The following SLC6A3 variants were observed in gnomAD, a reference collection of about 807,000 sequenced individuals.
SLC6A3 encodes solute carrier family 6 member 3.
A neutral mutation model predicts 70.4 loss-of-function variants in SLC6A3; 19 were observed. The ratio of observed to expected loss-of-function variants is 0.27; its 90% CI spans 0.19 to 0.40. The LOEUF (loss-of-function observed/expected upper bound fraction) is 0.40. Among genes scored for constraint, SLC6A3 ranks in the 10% least tolerant of loss-of-function variants. SLC6A3 has a pLI of 1.00. For synonymous variants in SLC6A3, 368 were observed against 356.6 expected (o/e 1.03, Z -0.36); for missense variants, 613 against 838.5 (o/e 0.73, Z 3.32).
chr5:1,401,861 GTC>G lies in SLC6A3; in HGVS notation c.1768-877_1768-876del. Among the ~76,000 whole-genome samples, 1 of 152,338 alleles carries G rather than the reference GTC, an allele frequency of 6.6e-6. No individual in the cohort carries two copies. Among genetic ancestry groups the G allele is most frequent in the Non-Finnish European group, 1.5e-5 (1 of 68,016 alleles). ...CTTCCCCTGTGCTGGGTCCTGGCAG[GTC>G]AGCCCGTGGGGGTCTGAGAGGGACT... is the stretch of plus-strand genomic sequence containing the variant. On this transcript the variant is annotated intron_variant, in intron 13 of 14. Coordinates refer to ENST00000270349, the MANE Select transcript of SLC6A3 (RefSeq NM_001044.5). This position sits in a 1 kb window ranked among gnomAD's most constrained non-coding sequence, Gnocchi z 6.1.
Position 1,438,940 on chromosome 5 carries a change from A to T in SLC6A3, c.418+2419T>A, listed in dbSNP as rs995563276. Among the ~76,000 whole-genome samples the T allele has an allele frequency of 5.3e-5, 8 of 152,250 alleles. No individual in the cohort carries two copies. In the South Asian group the frequency reaches 1.7e-3, roughly 32 times the overall value. On this transcript the variant is annotated intron_variant, in intron 3 of 14. Transcript: ENST00000270349. This position sits in a 1 kb window ranked among gnomAD's most constrained non-coding sequence, Gnocchi z 6.5. Reference sequence around the variant, plus strand: ...GGCTCTGAGCCCTCAGATACTCTCCAACACGGACCACGGTGCAAGCTCAGC... The same window carrying T: ...GGCTCTGAGCCCTCAGATACTCTCCTACACGGACCACGGTGCAAGCTCAGC...
intron 1 of SLC6A3, 96 bp from the exon 2 acceptor site, chr5:1,443,338 G>C: frequency 2.2e-6 from 2 of 905,126 alleles, no homozygotes; most frequent in Non-Finnish European, 3.6e-6. Context: ...GAGCCCCGAG[G>C]CATTCACGGG....
chr5:1,419,063 C>A (rs1310778879), intron 6 of SLC6A3, among the ~76,000 whole-genome samples: 1 of 150,624 alleles, frequency 6.6e-6, no homozygotes, highest in African/African-American at 2.5e-5. Context: ...ATCATCCATC[C>A]ATTATCCATC....
intron 4 of SLC6A3, among the ~76,000 whole-genome samples, chr5:1,423,049 A>T (rs866346400): frequency 5.4e-5 from 2 of 36,774 alleles, no homozygotes; most frequent in Non-Finnish European, 8.7e-5. Context: ...TGCCCACAGT[A>T]CTGCCCAAGG....
At chr5:1,414,128 G>A (rs973890834) in intron 8 of SLC6A3, among the ~76,000 whole-genome samples, 2 of 152,110 alleles carry the variant, frequency 1.3e-5, no homozygotes, top group African/African-American at 2.4e-5. Flanking sequence ...GATGTTTGCG[G>A]CATCCCAGCC....
chr5:1,430,533 G>A (rs1005115781), intron 4 of SLC6A3, among the ~76,000 whole-genome samples: 13 of 152,128 alleles, frequency 8.5e-5, no homozygotes, highest in Non-Finnish European at 5.9e-5. Context: ...GTCCCTTTCC[G>A]GCAGCATCAG....
intron 4 of SLC6A3, among the ~76,000 whole-genome samples, chr5:1,429,926 G>A (rs767678741): frequency 3.3e-5 from 5 of 152,192 alleles, no homozygotes; most frequent in Non-Finnish European, 7.3e-5. Context: ...TTTCTCCCTC[G>A]AGAATGTTAA....
chr5:1,399,435 G>C (rs1281401128), intron 14 of SLC6A3, among the ~76,000 whole-genome samples: 1 of 152,216 alleles, frequency 6.6e-6, no homozygotes, highest in South Asian at 2.1e-4. Flanking sequence ...CTACAACAGA[G>C]TAGATCCAAG....
At chr5:1,395,031 G>C (rs993176727) in intron 14 of SLC6A3, among the ~76,000 whole-genome samples, 2 of 152,220 alleles carry the variant, frequency 1.3e-5, no homozygotes, top group African/African-American at 4.8e-5. Context: ...GGCCATGGTG[G>C]CCTCTGGGGC....
Position 1,408,822 on chromosome 5 carries a change from T to C in SLC6A3, c.1498+204A>G, listed in dbSNP as rs1756047259. Among the ~76,000 whole-genome samples the C allele has an allele frequency of 6.6e-6, 1 of 152,232 alleles. No homozygotes were observed. The highest frequency in any genetic ancestry group is 6.5e-5 in the Admixed American group (1 of 15,286). On this transcript the variant is annotated intron_variant, in intron 11 of 14. Coordinates refer to ENST00000270349, the MANE Select transcript of SLC6A3 (RefSeq NM_001044.5). The surrounding 1 kb of genome is among the most constrained non-coding windows in gnomAD (Gnocchi z 6.4). ...AACACCTCTGACCACAGTGTGCCTC[T>C]TCTGGCTGCCATCCAAGCTAAGCAC...
intron 6 of SLC6A3, among the ~76,000 whole-genome samples, chr5:1,417,840 T>A (rs1756343433): frequency 1.3e-5 from 2 of 152,210 alleles, no homozygotes; most frequent in South Asian, 2.1e-4. Flanking sequence ...CAGATGCTCC[T>A]GCTGGGGAGG....
chr5:1,401,868 C>T lies in SLC6A3; in HGVS notation c.1768-882G>A, dbSNP rs549949343. Among the ~76,000 whole-genome samples the T allele has an allele frequency of 3.9e-4, 59 of 152,318 alleles. No individual in the cohort carries two copies. Among genetic ancestry groups the T allele is most frequent in the African/African-American group, 1.2e-3 (50 of 41,572 alleles). On this transcript the variant is annotated intron_variant, in intron 13 of 14. Transcript: ENST00000270349. The surrounding 1 kb of genome is among the most constrained non-coding windows in gnomAD (Gnocchi z 6.1). ...TGTGCTGGGTCCTGGCAGGTCAGCCCGTGGGGGTCTGAGAGGGACTGTCCA... is the reference window on the plus strand; with the variant it reads ...TGTGCTGGGTCCTGGCAGGTCAGCCTGTGGGGGTCTGAGAGGGACTGTCCA...
intron 4 of SLC6A3, among the ~76,000 whole-genome samples, chr5:1,423,354 ACGCTGCTG>A (rs1756507850): frequency 1.0e-5 from 1 of 98,526 alleles, no homozygotes; most frequent in African/African-American, 3.1e-5. Context: ...AGTGCTGCCC[ACGCTGCTG>A]GGTACCCACT....
intron 14 of SLC6A3, among the ~76,000 whole-genome samples, chr5:1,400,706 A>T (rs1755828011): frequency 6.6e-6 from 1 of 152,102 alleles, no homozygotes; most frequent in Non-Finnish European, 1.5e-5. Context: ...CGCACCTCCC[A>T]GGGCCCCTGC....
intron 11 of SLC6A3, among the ~76,000 whole-genome samples, chr5:1,407,199 T>C (rs981068503): frequency 3.9e-5 from 6 of 152,224 alleles, no homozygotes; most frequent in African/African-American, 1.2e-4. Context: ...GCCTGGTCTG[T>C]GACTCGTGTG....
At chr5:1,416,412 G>C in intron 6 of SLC6A3, 4 of 614,708 alleles carry the variant, frequency 6.5e-6, no homozygotes, top group East Asian at 2.8e-5. Flanking sequence ...CTGAGAAGCA[G>C]GGGGCTGTCT....
intron 11 of SLC6A3, among the ~76,000 whole-genome samples, chr5:1,407,175 TC>T (rs1756003206): frequency 6.6e-6 from 1 of 152,172 alleles, no homozygotes; most frequent in African/African-American, 2.4e-5. Flanking sequence ...GAGTGGTTTC[TC>T]CCCCCACATC....
intron 3 of SLC6A3, among the ~76,000 whole-genome samples, chr5:1,433,791 C>A (rs937386438): frequency 6.6e-6 from 1 of 151,952 alleles, no homozygotes; most frequent in Non-Finnish European, 1.5e-5. Context: ...ATCCATCCAT[C>A]CACAACCATC....
chr5:1,414,443 G>T (rs1579709409), intron 8 of SLC6A3, among the ~76,000 whole-genome samples: 2 of 150,604 alleles, frequency 1.3e-5, no homozygotes, highest in Admixed American at 6.6e-5. Flanking sequence ...TGGGTGGGGG[G>T]CCGGGAGGGG....
Sources: allele counts gnomAD v4.1 joint callset (sites outside exome capture counted in the v4.1 genomes callset), GRCh38; gene constraint gnomAD v4.1.1; non-coding constraint Gnocchi (gnomAD v3.1); transcripts MANE v1.5; gene names NCBI Gene and HGNC (gene_info 2026-07-23, HGNC 2026-07-21).